The following CLCA1 variants were observed in gnomAD, a reference collection of about 807,000 sequenced individuals.
CLCA1 encodes the protein calcium-activated chloride channel regulator 1.
CLCA1 carries 59 observed loss-of-function variants against 85.6 expected under a neutral mutation model. That is an observed-to-expected ratio of 0.69 (90% confidence interval 0.56 to 0.86). CLCA1 has a LOEUF of 0.86. Ranked by LOEUF, CLCA1 falls within the 40% of genes least tolerant of loss-of-function variation. The pLI is 0.00. For missense variants in CLCA1, 1,022 were observed against 1,101.4 expected, an observed-to-expected ratio of 0.93 and a Z score of 1.02; for synonymous variants, 396 against 398.3, an observed-to-expected ratio of 0.99 and a Z score of 0.07.
At chr1:86,476,665 C>T (rs2101730612) in intron 4 of CLCA1, 112 bp downstream of exon 4, 1 of 526,994 alleles carries the variant, frequency 1.9e-6, no homozygotes, top group Non-Finnish European at 3.4e-6. Flanking sequence ...AATTCAAATT[C>T]ATTCTTAGTG....
At position 86,482,267 on chromosome 1, in the gene CLCA1, C is replaced by T. The variant is rs150266789; in HGVS notation, c.620C>T (p.Thr207Ile). 97 of 1,613,824 alleles carry T rather than the reference C, an allele frequency of 6.0e-5. No individual in the cohort carries two copies. In the African/African-American group the frequency reaches 1.2e-3, roughly 20 times the overall value. Residue 207 changes from threonine to isoleucine, a missense_variant, in exon 5 of 14, where the codon ACC becomes ATC. Physicochemically the swap from Thr to Ile is moderately conservative, Grantham distance 89 (BLOSUM62 -1). Coordinates refer to ENST00000394711, the MANE Select transcript of CLCA1 (RefSeq NM_001285.4). Reference sequence around the variant, plus strand: ...AAGTGTCAGGGAGGCAGCTGTTACACCAAAAGATGCACATTCAATAAAGTA... The same window carrying T: ...AAGTGTCAGGGAGGCAGCTGTTACATCAAAAGATGCACATTCAATAAAGTA... ...VKKCQGGSCY[T>I]KRCTFNKVTG...
intron 9 of CLCA1, 112 bp downstream of exon 9, chr1:86,491,483 T>C (rs1648132425): frequency 1.6e-6 from 1 of 642,712 alleles, no homozygotes; most frequent in South Asian, 2.4e-5. Context: ...TGAATTAAAA[T>C]GAAAATAGAA....
At chr1:86,479,971 G>T (rs1352767350) in intron 4 of CLCA1, among the ~76,000 whole-genome samples, 2 of 152,200 alleles carry the variant, frequency 1.3e-5, no homozygotes, top group African/African-American at 4.8e-5. Flanking sequence ...TTACAAGTCT[G>T]TGAAGAAAGA....
chr1:86,481,886 G>A (rs541273583), intron 4 of CLCA1, among the ~76,000 whole-genome samples: 1 of 152,364 alleles, frequency 6.6e-6, no homozygotes, highest in East Asian at 1.9e-4. Context: ...CTCTTGACCT[G>A]CTAGGGATGA....
chr1:86,478,020 G>A (rs181019480), intron 4 of CLCA1, among the ~76,000 whole-genome samples: 28 of 152,158 alleles, frequency 1.8e-4, no homozygotes, highest in African/African-American at 4.3e-4. Flanking sequence ...TCCATTTCTC[G>A]CACAGGACCA....
chr1:86,493,334 T>C (rs576882058), intron 9 of CLCA1, 50 bp from the exon 10 acceptor site: 50 of 1,428,490 alleles, frequency 3.5e-5, no homozygotes, highest in East Asian at 4.6e-5. Flanking sequence ...GAAAAGATCA[T>C]GTGATGGGAG....
chr1:86,478,687 G>T (rs1251258059), intron 4 of CLCA1, among the ~76,000 whole-genome samples: 1 of 152,212 alleles, frequency 6.6e-6, no homozygotes, highest in Non-Finnish European at 1.5e-5. Flanking sequence ...CAGAAAGGGT[G>T]ATTAGTAGTA....
At chr1:86,485,223 C>T (rs2101738151) in intron 5 of CLCA1, 120 bp from the exon 6 acceptor site, 1 of 743,386 alleles carries the variant, frequency 1.3e-6, no homozygotes, top group East Asian at 2.7e-5. Flanking sequence ...AGCACTGTTC[C>T]ACAGTGATTG....
chr1:86,484,764 A>T (rs1332300526), intron 5 of CLCA1, among the ~76,000 whole-genome samples: 1 of 152,128 alleles, frequency 6.6e-6, no homozygotes, highest in Non-Finnish European at 1.5e-5. Context: ...AAGGTAGGAA[A>T]ACTTCCAGTT....
At chr1:86,490,071 G>A (rs561543154) in intron 8 of CLCA1, among the ~76,000 whole-genome samples, 55 of 152,344 alleles carry the variant, frequency 3.6e-4, no homozygotes, top group African/African-American at 1.3e-3. Flanking sequence ...CTCTGGAATG[G>A]AAAGTACATC....
Position 86,500,109 on chromosome 1 carries a change from C to T in CLCA1, c.*64C>T. On this transcript the variant is annotated 3_prime_UTR_variant, in exon 14 of 14. Transcript: ENST00000394711. Reference sequence around the variant, plus strand: ...TCCTTTTTTTTGATTATAAAATTTTCTAAAATGTATTTTAGACTTCCTGTA... The same window carrying T: ...TCCTTTTTTTTGATTATAAAATTTTTTAAAATGTATTTTAGACTTCCTGTA... 8.6e-7 allele frequency: 1 copy of T among 1,168,812 alleles called. No individual in the cohort carries two copies. Among genetic ancestry groups the T allele is most frequent in the South Asian group, 1.5e-5 (1 of 66,834 alleles). The allele number at this position is 1,168,812 out of a possible 1,614,324, so 72.4% of individuals were successfully genotyped here. A position where few individuals can be genotyped will look rare whatever the true frequency, so the allele number is the denominator to read the frequency against.
At chr1:86,488,857 C>T in intron 7 of CLCA1, 139 bp from the exon 8 acceptor site, 1 of 650,692 alleles carries the variant, frequency 1.5e-6, no homozygotes. Context: ...CATTTCAAGA[C>T]AGACAGATAT....
intron 7 of CLCA1, among the ~76,000 whole-genome samples, chr1:86,487,306 G>T (rs1648008400): frequency 6.6e-6 from 1 of 152,216 alleles, no homozygotes; most frequent in African/African-American, 2.4e-5. Context: ...TGAAATCACT[G>T]ATGTGCTGTA....
intron 12 of CLCA1, among the ~76,000 whole-genome samples, chr1:86,497,663 T>C (rs1410356605): frequency 6.6e-6 from 1 of 152,118 alleles, no homozygotes; most frequent in Non-Finnish European, 1.5e-5. Context: ...AAACATTTTA[T>C]TAAAAACTGA....
intron 7 of CLCA1, among the ~76,000 whole-genome samples, chr1:86,487,283 G>A (rs1648007882): frequency 6.6e-6 from 1 of 152,196 alleles, no homozygotes; most frequent in South Asian, 2.1e-4. Flanking sequence ...AAATAAGGGA[G>A]GAAAACAGAC....
At chr1:86,494,110 TC>T in intron 10 of CLCA1, 76 bp from the exon 11 acceptor site, 1 of 1,522,348 alleles carries the variant, frequency 6.6e-7, no homozygotes, top group Non-Finnish European at 9.0e-7. Context: ...CAGAGGGTTT[TC>T]CCGTACGTGA....
At chr1:86,497,385 T>C (rs953430439) in intron 12 of CLCA1, among the ~76,000 whole-genome samples, 1 of 152,260 alleles carries the variant, frequency 6.6e-6, no homozygotes, top group African/African-American at 2.4e-5. Context: ...ATAAAAATTC[T>C]ATAAAGAGGT....
At chr1:86,492,410 T>C (rs1648159752) in intron 9 of CLCA1, among the ~76,000 whole-genome samples, 1 of 148,344 alleles carries the variant, frequency 6.7e-6, no homozygotes, top group African/African-American at 2.5e-5. Context: ...CTGCCTATGA[T>C]TTTTGTATTT....
Position 86,491,423 on chromosome 1 carries a change from G to C in CLCA1, c.1464+52G>C, listed in dbSNP as rs147265475. ...CATATTTACACATAATCATAGCCAA[G>C]ATGGAGAATTTAATGGCTAAAAGTT... On this transcript the variant is annotated intron_variant, in intron 9 of 13. Transcript: ENST00000394711. 167 of 1,260,758 alleles carry C rather than the reference G, an allele frequency of 1.3e-4. 1 individual carries two copies. In the East Asian group the frequency reaches 3.7e-3, roughly 28 times the overall value. 78.1% of individuals were successfully genotyped at this position (1,260,758 alleles called of 1,614,324 possible). A position where few individuals can be genotyped will look rare whatever the true frequency, so the allele number is the denominator to read the frequency against.
Sources: gnomAD v4.1 joint callset for allele counts (sites outside exome capture counted in the v4.1 genomes callset) on GRCh38, gnomAD v4.1.1 for gene constraint, MANE v1.5 for transcripts, NCBI Gene and HGNC (gene_info 2026-07-23, HGNC 2026-07-21) for gene names.